PGS1: variants seen among roughly 807,000 people sequenced by gnomAD.
PGS1 encodes phosphatidylglycerophosphate synthase 1, also known as CDP-diacylglycerol--glycerol-3-phosphate 3-phosphatidyltransferase, mitochondrial.
A neutral mutation model predicts 58.3 loss-of-function variants in PGS1; 44 were observed. That is an observed-to-expected ratio of 0.75 (90% CI 0.59 to 0.97). The LOEUF (loss-of-function observed/expected upper bound fraction) is 0.97. Ranked by LOEUF, PGS1 falls within the 50% of genes least tolerant of loss-of-function variation. The probability of loss-of-function intolerance (pLI) is 0.00; values close to 1 mark genes in which losing one functional copy is unlikely to be tolerated. For missense variants in PGS1, 684 were observed against 731.1 expected (o/e 0.94, Z 0.74); for synonymous variants, 330 against 311.0 (o/e 1.06, Z -0.64).
At chr17:78,420,032 T>C in intron 9 of PGS1, 1 of 1,133,506 alleles carries the variant, frequency 8.8e-7, no homozygotes, top group Non-Finnish European at 1.1e-6. Context: ...ATTGAGCCCC[T>C]CCAAGCTGAG....
chr17:78,404,093 C>A lies in PGS1; in HGVS notation c.1402+4C>A, dbSNP rs143046666. 30,155 of 1,533,040 alleles carry A rather than the reference C, an allele frequency of 0.02. 357 individuals carry two copies. The highest frequency in any genetic ancestry group is 0.032 in the Middle Eastern group (188 of 5,822). The allele number at this position is 1,533,040 out of a possible 1,614,324, so 95.0% of individuals were successfully genotyped here. On this transcript the variant is annotated splice_donor_region_variant and intron_variant, in intron 7 of 9. Coordinates refer to ENST00000262764, the MANE Select transcript of PGS1 (RefSeq NM_024419.5). Reference sequence around the variant, plus strand: ...GGCTGGACGTTCCACGCCAAAGGTGCGCAGCGGCTGGCTGGAGGACGTTCC... The same window carrying A: ...GGCTGGACGTTCCACGCCAAAGGTGAGCAGCGGCTGGCTGGAGGACGTTCC...
intron 7 of PGS1, among the ~76,000 whole-genome samples, chr17:78,409,626 A>C (rs946421789): frequency 6.6e-6 from 1 of 152,230 alleles, no homozygotes; most frequent in African/African-American, 2.4e-5. Context: ...ACAGTTTCTC[A>C]GAGCTGTACT....
intron 7 of PGS1, among the ~76,000 whole-genome samples, chr17:78,411,027 G>A (rs889708695): frequency 7.9e-5 from 12 of 152,200 alleles, no homozygotes; most frequent in African/African-American, 2.9e-4. Context: ...AGCAGAGCAA[G>A]AGAAGGCTCC....
At chr17:78,421,011 C>T (rs1323681085) in intron 9 of PGS1, 8 of 152,138 alleles carry the variant, frequency 5.3e-5, no homozygotes, top group South Asian at 4.1e-4. Context: ...TTAATTTTTT[C>T]GATTATTTGA....
At chr17:78,411,640 C>T (rs2084703978) in intron 7 of PGS1, among the ~76,000 whole-genome samples, 1 of 152,202 alleles carries the variant, frequency 6.6e-6, no homozygotes, top group African/African-American at 2.4e-5. Context: ...GTTCCTGCTG[C>T]ACGTCTCCCT....
chr17:78,382,092 G>T (rs865921480), intron 1 of PGS1, among the ~76,000 whole-genome samples: 7 of 152,142 alleles, frequency 4.6e-5, no homozygotes, highest in African/African-American at 1.7e-4. Flanking sequence ...AGGAGGGGTC[G>T]GAGTAGTTAG....
At chr17:78,411,509 C>A (rs1001077331) in intron 7 of PGS1, among the ~76,000 whole-genome samples, 1 of 152,300 alleles carries the variant, frequency 6.6e-6, no homozygotes, top group African/African-American at 2.4e-5. Context: ...TCCCCTGCAC[C>A]CTGCCCTCTC....
At chr17:78,389,472 A>G (rs1431549962) in intron 1 of PGS1, among the ~76,000 whole-genome samples, 2 of 151,916 alleles carry the variant, frequency 1.3e-5, no homozygotes, top group African/African-American at 4.8e-5. Context: ...AGCATGAGCC[A>G]CCATGCCCGG....
chr17:78,387,153 G>A (rs192144272), intron 1 of PGS1, among the ~76,000 whole-genome samples: 30 of 152,182 alleles, frequency 2.0e-4, no homozygotes, highest in African/African-American at 5.8e-4. Flanking sequence ...ATAGGCGTGC[G>A]CCACCATGCC....
intron 4 of PGS1, 78 bp from the exon 5 acceptor site, chr17:78,399,270 A>T: frequency 8.8e-7 from 1 of 1,140,170 alleles, no homozygotes; most frequent in Non-Finnish European, 1.3e-6. Context: ...AGGCGAGGCC[A>T]CGTGGAGGTG....
In PGS1 at chr17:78,405,820, CCTT is replaced by C. The variant is rs919570571; in HGVS notation, c.1402+1734_1402+1736del. Reference sequence around the variant, plus strand: ...GGGCAGTCCAGAGGCCTGTTTTGCTCCTTCTCTTGTCCTGGTTCTAGTGGCTTT... The same window carrying C: ...GGGCAGTCCAGAGGCCTGTTTTGCTCCTCTTGTCCTGGTTCTAGTGGCTTT... On this transcript the variant is annotated intron_variant, in intron 7 of 9. Transcript: ENST00000262764. Among the ~76,000 whole-genome samples the C allele has an allele frequency of 1.1e-4, 16 of 152,288 alleles. 1 individual carries two copies. Among genetic ancestry groups the C allele is most frequent in the African/African-American group, 3.8e-4 (16 of 41,564 alleles).
intron 1 of PGS1, among the ~76,000 whole-genome samples, chr17:78,389,045 T>C (rs1022455847): frequency 1.6e-4 from 22 of 140,224 alleles, no homozygotes; most frequent in Non-Finnish European, 2.4e-4. Flanking sequence ...GAGTGTTTCC[T>C]CTTCTTCCTT....
intron 6 of PGS1, among the ~76,000 whole-genome samples, chr17:78,402,272 C>G (rs952874820): frequency 1.3e-5 from 2 of 152,214 alleles, no homozygotes; most frequent in Admixed American, 1.3e-4. Flanking sequence ...CCCTCCTTCC[C>G]TGTTTCACTT....
rs866325981 is a variant in PGS1, at chr17:78,420,090, C to T, written c.*10+415C>T. ...ACGTGGGAGGAGGGGAGCACGTTTG[C>T]TCGTGAGAGTGGCTCTGGCTTGCTG... On this transcript the variant is annotated intron_variant, in intron 9 of 9. Transcript: ENST00000262764. The T allele has an allele frequency of 7.6e-6, 8 of 1,054,162 alleles. No individual in the cohort carries two copies. The African/African-American group carries it at 1.3e-4, about 18-fold the overall frequency. The allele number at this position is 1,054,162 out of a possible 1,614,324, so 65.3% of individuals were successfully genotyped here.
At chr17:78,395,371 C>G (rs144091283) in intron 2 of PGS1, among the ~76,000 whole-genome samples, 1 of 152,160 alleles carries the variant, frequency 6.6e-6, no homozygotes, top group Non-Finnish European at 1.5e-5. Context: ...TGTCCGGAAG[C>G]CTTTCCTAGT....
At chr17:78,383,639 TC>T (rs2032066301) in intron 1 of PGS1, among the ~76,000 whole-genome samples, 1 of 152,244 alleles carries the variant, frequency 6.6e-6, no homozygotes, top group South Asian at 2.1e-4. Context: ...GTGATGGGAT[TC>T]GGTCTTCCTT....
Position 78,400,436 on chromosome 17 carries a change from C to A in PGS1, c.702-241C>A, listed in dbSNP as rs2083566948. ...TTGACTTTCTGTGTCTGCATCTCCTCTTCTCAGCTACACTGTCGGCTCCTT... is the reference window on the plus strand; with the variant it reads ...TTGACTTTCTGTGTCTGCATCTCCTATTCTCAGCTACACTGTCGGCTCCTT... On this transcript the variant is annotated intron_variant, in intron 5 of 9. Coordinates refer to ENST00000262764, the MANE Select transcript of PGS1 (RefSeq NM_024419.5). This position sits in a 1 kb window ranked among gnomAD's most constrained non-coding sequence, Gnocchi z 4.4. Among the ~76,000 whole-genome samples, 1 of 151,982 alleles carries A rather than the reference C, an allele frequency of 6.6e-6. No homozygotes were observed. The highest frequency in any genetic ancestry group is 2.4e-5 in the African/African-American group (1 of 41,418).
chr17:78,379,274 G>C (rs961570508), intron 1 of PGS1, among the ~76,000 whole-genome samples: 2 of 152,230 alleles, frequency 1.3e-5, no homozygotes, highest in Non-Finnish European at 2.9e-5. Flanking sequence ...CCGTTGCTGG[G>C]ATTTTGTGTA....
chr17:78,378,716 G>C lies in PGS1; in HGVS notation c.51G>C (p.Leu17=). ...AAAGPVFWRR[L]LGLLPGRPGL... Reference sequence around the variant, plus strand: ...CGGGACCCGTGTTCTGGAGGCGACTGCTGGGCCTCCTGCCTGGCCGCCCAG... The same window carrying C: ...CGGGACCCGTGTTCTGGAGGCGACTCCTGGGCCTCCTGCCTGGCCGCCCAG... The change falls in exon 1 of 10, where the codon CTG becomes CTC. Residue 17 remains leucine, a synonymous_variant. Coordinates refer to ENST00000262764, the MANE Select transcript of PGS1 (RefSeq NM_024419.5). 6.6e-7 allele frequency: 1 copy of C among 1,519,756 alleles called. No homozygotes were observed. Among genetic ancestry groups the C allele is most frequent in the East Asian group, 2.7e-5 (1 of 37,618 alleles). 94.1% of individuals were successfully genotyped at this position (1,519,756 alleles called of 1,614,324 possible).
Sources: allele counts gnomAD v4.1 joint callset (sites outside exome capture counted in the v4.1 genomes callset), GRCh38; gene constraint gnomAD v4.1.1; non-coding constraint Gnocchi (gnomAD v3.1); transcripts MANE v1.5; gene names NCBI Gene and HGNC (gene_info 2026-07-23, HGNC 2026-07-21).